Variants in LYST observed in about 807,000 individuals in gnomAD.
LYST encodes the protein lysosomal trafficking regulator.
LYST carries 192 observed loss-of-function variants against 413.6 expected under a neutral mutation model. The ratio of observed to expected loss-of-function variants is 0.46; its 90% confidence interval spans 0.41 to 0.52. The LOEUF is 0.52. Ranked by LOEUF, LYST falls within the 20% of genes least tolerant of loss-of-function variation. The probability of loss-of-function intolerance (pLI) is 0.00; values close to 1 mark genes in which losing one functional copy is unlikely to be tolerated. For synonymous variants in LYST, 1,525 were observed against 1,567.3 expected (o/e 0.97, Z 0.64); for missense variants, 3,815 against 4,499.9 (o/e 0.85, Z 4.35).
chr1:235,725,857 C>G (rs897166894), intron 38 of LYST, among the ~76,000 whole-genome samples: 5 of 152,146 alleles, frequency 3.3e-5, no homozygotes, highest in African/African-American at 7.2e-5. Context: ...CTAGTGTACT[C>G]AGACAAATCC....
chr1:235,847,630 A>G (rs1002252153), intron 1 of LYST, among the ~76,000 whole-genome samples: 1 of 152,098 alleles, frequency 6.6e-6, no homozygotes, highest in African/African-American at 2.4e-5. Context: ...GAATTCACCA[A>G]TCAACTATCT....
intron 1 of LYST, among the ~76,000 whole-genome samples, chr1:235,863,521 A>G (rs61834680): frequency 0.017 from 2,616 of 151,800 alleles, 34 homozygotes; most frequent in Non-Finnish European, 0.026. Context: ...AAGATTAATC[A>G]GATGAAGGTG....
intron 20 of LYST, among the ~76,000 whole-genome samples, chr1:235,769,874 G>A (rs1668491454): frequency 6.6e-6 from 1 of 152,008 alleles, no homozygotes; most frequent in African/African-American, 2.4e-5. Flanking sequence ...TGCTGTTCAA[G>A]GCAGTACAAA....
Position 235,733,589 on chromosome 1 carries a change from C to T in LYST, c.8715G>A (p.Val2905=), listed in dbSNP as rs765750967. The change falls in exon 34 of 53, where the codon GTG becomes GTA. Residue 2905 remains valine, a synonymous_variant. Coordinates refer to ENST00000389793, the MANE Select transcript of LYST (RefSeq NM_000081.4). ...SLSQGNERKK[V]IQHIRGMYKV... ...TATACATTCCTCTAATATGCTGGATCACCTTTTTTCTCTCATTTCCTTGGG... is the reference window on the plus strand; with the variant it reads ...TATACATTCCTCTAATATGCTGGATTACCTTTTTTCTCTCATTTCCTTGGG... 6.2e-7 allele frequency: 1 copy of T among 1,613,798 alleles called. No homozygotes were observed. Among genetic ancestry groups the T allele is most frequent in the Non-Finnish European group, 8.5e-7 (1 of 1,179,782 alleles).
At chr1:235,703,543 G>T (rs1402585691) in intron 44 of LYST, among the ~76,000 whole-genome samples, 1 of 152,188 alleles carries the variant, frequency 6.6e-6, no homozygotes, top group African/African-American at 2.4e-5. Context: ...AAAGCTGGCG[G>T]TCAGTAATTG....
intron 1 of LYST, among the ~76,000 whole-genome samples, chr1:235,858,660 T>C (rs1214247495): frequency 1.3e-5 from 2 of 152,228 alleles, no homozygotes; most frequent in Non-Finnish European, 2.9e-5. Flanking sequence ...AGGATTCCTA[T>C]GGCTCAACCC....
intron 18 of LYST, among the ~76,000 whole-genome samples, chr1:235,774,206 G>C (rs1668995359): frequency 6.6e-6 from 1 of 152,114 alleles, no homozygotes; most frequent in Non-Finnish European, 1.5e-5. Flanking sequence ...TGAGTACTCA[G>C]GTTCAAACAA....
At position 235,808,753 on chromosome 1, in the gene LYST, T is replaced by C. The variant is rs777662601; in HGVS notation, c.2065A>G (p.Lys689Glu). The C allele has an allele frequency of 3.1e-6, 5 of 1,613,944 alleles. No individual in the cohort carries two copies. In the African/African-American group the frequency reaches 5.3e-5, roughly 17 times the overall value. Residue 689 changes from lysine (K) to glutamate (E), a missense_variant, in exon 5 of 53, where the codon AAA becomes GAA. Physicochemically the swap from Lys to Glu is moderately conservative, Grantham distance 56. Coordinates refer to ENST00000389793, the MANE Select transcript of LYST (RefSeq NM_000081.4). Reference sequence around the variant, plus strand: ...TGATAAGCCTTTAAAGCATCCCATTTCCACAACAAATCTTCAGATCCACTG... The same window carrying C: ...TGATAAGCCTTTAAAGCATCCCATTCCCACAACAAATCTTCAGATCCACTG... ...PSSGSEDLLW[K>E]WDALKAYQNF... is the part of the protein sequence containing the mutation.
chr1:235,701,640 A>C (rs765698199), intron 45 of LYST, among the ~76,000 whole-genome samples: 1 of 152,192 alleles, frequency 6.6e-6, no homozygotes, highest in Non-Finnish European at 1.5e-5. Flanking sequence ...CAATCAATCA[A>C]TCAATCAATC....
At position 235,709,071 on chromosome 1, in the gene LYST, G is replaced by A. The variant is rs1380251917; in HGVS notation, c.10143+20C>T. ...GTTCTATCTTATATAAATACAGATTGTTTTAAAAGAGTCACTTACAGCAGG... is the reference window on the plus strand; with the variant it reads ...GTTCTATCTTATATAAATACAGATTATTTTAAAAGAGTCACTTACAGCAGG... On this transcript the variant is annotated intron_variant, in intron 44 of 52. Coordinates refer to ENST00000389793, the MANE Select transcript of LYST (RefSeq NM_000081.4). 1.6e-5 allele frequency: 25 copies of A among 1,602,772 alleles called. No individual in the cohort carries two copies. The highest frequency in any genetic ancestry group is 3.3e-5 in the Admixed American group (2 of 59,998).
intron 1 of LYST, among the ~76,000 whole-genome samples, chr1:235,863,305 T>C (rs893675259): frequency 4.6e-5 from 7 of 151,896 alleles, no homozygotes; most frequent in East Asian, 1.9e-4. Context: ...GGCAGGAGAA[T>C]TGGCTGAACC....
chr1:235,842,997 T>A (rs1014832536), intron 1 of LYST, among the ~76,000 whole-genome samples: 2 of 152,196 alleles, frequency 1.3e-5, no homozygotes, highest in African/African-American at 4.8e-5. Context: ...TCTTCACTTT[T>A]AGGGCAGCTC....
chr1:235,779,640 A>C (rs573098383), intron 16 of LYST, among the ~76,000 whole-genome samples: 1 of 152,284 alleles, frequency 6.6e-6, no homozygotes, highest in Non-Finnish European at 1.5e-5. Flanking sequence ...CATTTCCCTA[A>C]AGGATGTTTT....
intron 44 of LYST, among the ~76,000 whole-genome samples, chr1:235,704,618 A>G (rs745350977): frequency 9.2e-5 from 14 of 151,832 alleles, no homozygotes; most frequent in African/African-American, 2.4e-4. Flanking sequence ...TTTCTTATAC[A>G]TTTGTTTAAG....
chr1:235,689,559 C>T (rs756209843), intron 47 of LYST, among the ~76,000 whole-genome samples: 34 of 152,044 alleles, frequency 2.2e-4, no homozygotes, highest in Admixed American at 1.2e-3. Flanking sequence ...AGGATGATTA[C>T]GTTCTGGAGA....
In LYST at chr1:235,662,152, T is replaced by G. The variant is rs1658094221; in HGVS notation, c.*788A>C. ...TCAATGCTCTGTAAATAGCAGACTT[T>G]AAGACTTACCATTGTGTTTAAACCT... On this transcript the variant is annotated 3_prime_UTR_variant, in exon 53 of 53. Coordinates refer to ENST00000389793, the MANE Select transcript of LYST (RefSeq NM_000081.4). The G allele has an allele frequency of 6.6e-6, 1 of 152,340 alleles. No individual in the cohort carries two copies. The highest frequency in any genetic ancestry group is 2.4e-5 in the African/African-American group (1 of 41,464). The allele number at this position is 152,340 out of a possible 1,614,324, so 9.4% of individuals were successfully genotyped here. A position where few individuals can be genotyped will look rare whatever the true frequency, so the allele number is the denominator to read the frequency against.
chr1:235,880,854 G>A (rs1017028244), intron 1 of LYST, among the ~76,000 whole-genome samples: 4 of 152,266 alleles, frequency 2.6e-5, no homozygotes, highest in Non-Finnish European at 5.9e-5. Flanking sequence ...GGCCGGGCAC[G>A]GTGGCTCACA....
At chr1:235,801,422 C>G (rs188034895) in intron 8 of LYST, among the ~76,000 whole-genome samples, 55 of 151,592 alleles carry the variant, frequency 3.6e-4, no homozygotes, top group African/African-American at 6.5e-4. Flanking sequence ...CTGACCCCCC[C>G]CTCAAATACC....
intron 25 of LYST, among the ~76,000 whole-genome samples, chr1:235,754,330 T>A (rs561648366): frequency 1.3e-5 from 2 of 150,686 alleles, no homozygotes; most frequent in South Asian, 2.1e-4. Flanking sequence ...CCTTCTGGGT[T>A]CAAGCGGTTC....
Sources: gnomAD v4.1 joint callset for allele counts (sites outside exome capture counted in the v4.1 genomes callset) on GRCh38, gnomAD v4.1.1 for gene constraint, MANE v1.5 for transcripts, NCBI Gene and HGNC (gene_info 2026-07-23, HGNC 2026-07-21) for gene names.